DARS1: variants seen among roughly 807,000 people sequenced by gnomAD.
DARS1 encodes aspartyl-tRNA synthetase 1, also known as aspartate--tRNA ligase, cytoplasmic.
In DARS1, 51 loss-of-function variants were observed where a neutral mutation model predicts 68.8. The observed-to-expected ratio is 0.74, with a 90% confidence interval of 0.59 to 0.94. The LOEUF (loss-of-function observed/expected upper bound fraction) is 0.94, where lower values mean the gene tolerates loss of function less well. Ranked by LOEUF, DARS1 falls within the 40% of genes least tolerant of loss-of-function variation. DARS1 has a pLI of 0.00. For synonymous variants in DARS1, 203 were observed against 190.4 expected (o/e 1.07, Z -0.55); for missense variants, 607 against 597.3 (o/e 1.02, Z -0.17).
intron 6 of DARS1, 47 bp downstream of exon 6, chr2:135,933,863 A>T: frequency 6.4e-7 from 1 of 1,572,106 alleles, no homozygotes; most frequent in Admixed American, 1.8e-5. Context: ...TGTTTTGCAA[A>T]CTAAATATAC....
chr2:135,979,748 T>A (rs1682580673), intron 2 of DARS1, among the ~76,000 whole-genome samples: 1 of 152,210 alleles, frequency 6.6e-6, no homozygotes, highest in Non-Finnish European at 1.5e-5. Flanking sequence ...CAATGACTTG[T>A]AAGGCCAAAC....
chr2:135,954,215 CAG>C (rs1244128847), intron 4 of DARS1, among the ~76,000 whole-genome samples: 1 of 149,618 alleles, frequency 6.7e-6, no homozygotes, highest in Non-Finnish European at 1.5e-5. Flanking sequence ...CAGGATGACA[CAG>C]AGACTAGAGT....
chr2:135,972,200 C>T, intron 3 of DARS1, among the ~76,000 whole-genome samples: 1 of 152,042 alleles, frequency 6.6e-6, no homozygotes, highest in East Asian at 1.9e-4. Context: ...GCTATAGTAA[C>T]CAAAAACAAC....
At chr2:135,973,452 C>T (rs146065191) in intron 3 of DARS1, among the ~76,000 whole-genome samples, 111 of 149,924 alleles carry the variant, frequency 7.4e-4, no homozygotes, top group African/African-American at 2.6e-3. Flanking sequence ...AGGTGGGGGG[C>T]CCTGGGAAAA....
At position 135,920,670 on chromosome 2, in the gene DARS1, CA is replaced by C. The variant is rs1339908396; in HGVS notation, c.812-71del. ...TTTTGGATAAATAGGGATTTAAATA[CA>C]AACTTTTATTTAGTTGGATTCCAGT... On this transcript the variant is annotated intron_variant, in intron 9 of 15. Transcript: ENST00000264161. 2.0e-6 allele frequency: 3 copies of C among 1,482,744 alleles called. No homozygotes were observed. In the African/African-American group the frequency reaches 4.3e-5, roughly 21 times the overall value. 91.8% of individuals were successfully genotyped at this position (1,482,744 alleles called of 1,614,324 possible). A position where few individuals can be genotyped will look rare whatever the true frequency, so the allele number is the denominator to read the frequency against.
chr2:135,948,135 T>G (rs1681767986), intron 4 of DARS1, among the ~76,000 whole-genome samples: 8 of 152,246 alleles, frequency 5.3e-5, no homozygotes, highest in Admixed American at 3.9e-4. Flanking sequence ...AATACAGATG[T>G]TGCAGTGGAC....
chr2:135,912,826 G>T lies in DARS1; in HGVS notation c.1150-260C>A, dbSNP rs182325887. On this transcript the variant is annotated intron_variant, in intron 12 of 15. Coordinates refer to ENST00000264161, the MANE Select transcript of DARS1 (RefSeq NM_001349.4). The stretch of plus-strand genomic sequence containing the variant: ...AAATTTTTTTTTTTTAAGAGATGGG[G>T]TCTTGCTCTGTTGCTTAGGCTCGAG... 3.3e-5 allele frequency among the ~76,000 whole-genome samples: 5 copies of T among 151,670 alleles called. No homozygotes were observed. In the East Asian group the frequency reaches 9.7e-4, roughly 29 times the overall value.
chr2:135,918,979 TG>T (rs1681057111), intron 10 of DARS1, among the ~76,000 whole-genome samples: 1 of 152,348 alleles, frequency 6.6e-6, no homozygotes, highest in East Asian at 1.9e-4. Context: ...AGAGAATGCC[TG>T]GAAATACTGG....
intron 5 of DARS1, among the ~76,000 whole-genome samples, chr2:135,937,747 T>C (rs1450873730): frequency 6.6e-6 from 1 of 152,218 alleles, no homozygotes; most frequent in African/African-American, 2.4e-5. Flanking sequence ...CCTTCACTTA[T>C]GAAGCTTAGT....
chr2:135,972,666 A>C (rs780141677), intron 3 of DARS1, among the ~76,000 whole-genome samples: 14 of 152,236 alleles, frequency 9.2e-5, no homozygotes, highest in Non-Finnish European at 1.9e-4. Flanking sequence ...AAGTATTTAC[A>C]AACTACCCAT....
chr2:135,935,404 G>A (rs1431078455), intron 5 of DARS1, among the ~76,000 whole-genome samples: 1 of 151,050 alleles, frequency 6.6e-6, no homozygotes, highest in Non-Finnish European at 1.5e-5. Context: ...AGACCATCTT[G>A]GCTAACAGAG....
chr2:135,936,133 A>C (rs1023343049), intron 5 of DARS1, among the ~76,000 whole-genome samples: 9 of 152,262 alleles, frequency 5.9e-5, no homozygotes, highest in African/African-American at 2.2e-4. Flanking sequence ...CAAAGCACCT[A>C]TCAACAGTAA....
chr2:135,950,935 C>T (rs759875634), intron 4 of DARS1, among the ~76,000 whole-genome samples: 1 of 151,774 alleles, frequency 6.6e-6, no homozygotes, highest in Non-Finnish European at 1.5e-5. Flanking sequence ...AGGTGCAGAG[C>T]GTAGTTTCAG....
At position 135,924,533 on chromosome 2, in the gene DARS1, G is replaced by A. The variant is rs140049610; in HGVS notation, c.565-35C>T. On this transcript the variant is annotated intron_variant, in intron 7 of 15. Transcript: ENST00000264161. ...AGTAATAAAATCTAATTAAATCAAC[G>A]TACTTAATTACTAAGCACTAACTCT... The A allele has an allele frequency of 3.2e-5, 51 of 1,583,334 alleles. No individual in the cohort carries two copies. The African/African-American group carries it at 4.8e-4, about 15-fold the overall frequency.
At chr2:135,947,556 T>G (rs1393345223) in intron 4 of DARS1, among the ~76,000 whole-genome samples, 2 of 152,110 alleles carry the variant, frequency 1.3e-5, no homozygotes, top group African/African-American at 4.8e-5. Flanking sequence ...AGACACTATC[T>G]CATTTGCGCT....
intron 3 of DARS1, among the ~76,000 whole-genome samples, chr2:135,967,026 T>C (rs938921389): frequency 2.0e-5 from 3 of 152,194 alleles, no homozygotes; most frequent in African/African-American, 7.2e-5. Flanking sequence ...AAAAGTTTCT[T>C]CTCAGCTCCA....
intron 3 of DARS1, among the ~76,000 whole-genome samples, chr2:135,963,879 C>A (rs2104836031): frequency 6.6e-6 from 1 of 152,022 alleles, no homozygotes; most frequent in South Asian, 2.1e-4. Context: ...GGGGGCTTCA[C>A]CATATTGGTC....
In DARS1 at chr2:135,911,499, A is replaced by G. The variant is rs768797572; in HGVS notation, c.1231-6T>C. On this transcript the variant is annotated splice_polypyrimidine_tract_variant and splice_region_variant and intron_variant, in intron 13 of 15. Coordinates refer to ENST00000264161, the MANE Select transcript of DARS1 (RefSeq NM_001349.4). ...TCGTAAGAGTTGGACTGTTTCTGCA[A>G]GAGAAAAAACACCAGTCCTCAAGTG... is the stretch of plus-strand genomic sequence containing the variant. The G allele has an allele frequency of 2.2e-6, 2 of 895,140 alleles. No individual in the cohort carries two copies. The highest frequency in any genetic ancestry group is 3.6e-5 in the Admixed American group (2 of 55,746). 55.4% of individuals were successfully genotyped at this position (895,140 alleles called of 1,614,324 possible).
At chr2:135,985,196 C>T (rs558166784) in intron 1 of DARS1, 1 of 776,338 alleles carries the variant, frequency 1.3e-6, no homozygotes, top group Admixed American at 3.0e-5. Context: ...AGGCCAAACT[C>T]CCAGGTGACC....
Sources: gnomAD v4.1 joint callset for allele counts (sites outside exome capture counted in the v4.1 genomes callset) on GRCh38, gnomAD v4.1.1 for gene constraint, MANE v1.5 for transcripts, NCBI Gene and HGNC (gene_info 2026-07-23, HGNC 2026-07-21) for gene names.